The following C5orf22 variants were observed in gnomAD, a reference collection of about 807,000 sequenced individuals.
The protein encoded by C5orf22 is UPF0489 protein C5orf22.
Under a neutral mutation model 48.7 loss-of-function variants are expected in C5orf22, and 36 were observed. The observed-to-expected ratio is 0.74, with a 90% CI of 0.57 to 0.98. C5orf22 has a LOEUF of 0.98. Ranked by LOEUF, C5orf22 falls within the 50% of genes least tolerant of loss-of-function variation. The pLI is 0.00. For synonymous variants in C5orf22, 141 were observed against 180.8 expected, an observed-to-expected ratio of 0.78 and a Z score of 1.76; for missense variants, 486 against 521.9, an observed-to-expected ratio of 0.93 and a Z score of 0.67.
intron 6 of C5orf22, among the ~76,000 whole-genome samples, chr5:31,542,413 T>C (rs1270630922): frequency 2.8e-5 from 4 of 144,404 alleles, no homozygotes; most frequent in Non-Finnish European, 6.0e-5. Context: ...TGAGCCGAGA[T>C]TGCATCACTG....
Position 31,535,833 on chromosome 5 carries a change from A to G in C5orf22, c.317A>G (p.Gln106Arg). The G allele has an allele frequency of 6.2e-7, 1 of 1,613,790 alleles. No homozygotes were observed. Among genetic ancestry groups the G allele is most frequent in the Non-Finnish European group, 8.5e-7 (1 of 1,179,814 alleles). ...TGGTTTCATCCCACATGGGCTCAGC[A>G]GATCAGAGAGGGCAGACACCACTTT... is the stretch of plus-strand genomic sequence containing the variant. The part of the protein sequence containing the change: ...VIWFHPTWAQ[Q>R]IREGRHHFLV... The change falls in exon 3 of 9, where the codon CAG (glutamine) becomes CGG (arginine). Residue 106 changes from glutamine to arginine, a missense_variant. Gln to Arg is a conservative substitution (Grantham distance 43). Transcript: ENST00000325366.
At chr5:31,537,217 G>C (rs756736167) in intron 3 of C5orf22, among the ~76,000 whole-genome samples, 6 of 152,116 alleles carry the variant, frequency 3.9e-5, no homozygotes, top group Non-Finnish European at 8.8e-5. Context: ...GAAACTCCAC[G>C]TGTGATTAAC....
At chr5:31,534,491 A>T in intron 2 of C5orf22, 74 bp downstream of exon 2, 1 of 1,355,880 alleles carries the variant, frequency 7.4e-7, no homozygotes, top group East Asian at 2.3e-5. Context: ...AATTATAGGA[A>T]ATAGACTTTG....
At chr5:31,536,174 C>G (rs1742070269) in intron 3 of C5orf22, among the ~76,000 whole-genome samples, 2 of 152,168 alleles carry the variant, frequency 1.3e-5, no homozygotes, top group African/African-American at 4.8e-5. Flanking sequence ...ATTGAAGTAT[C>G]TTATAGATTT....
rs1396979244 is a variant in C5orf22, at chr5:31,539,889, A to AT, written c.808-1050dup. Among the ~76,000 whole-genome samples the AT allele has an allele frequency of 2.1e-3, 322 of 150,824 alleles. 1 individual carries two copies. Among genetic ancestry groups the AT allele is most frequent in the Non-Finnish European group, 3.1e-3 (212 of 67,588 alleles). ...AAGACCCCATCTCTATTAAAAAAAA[A>AT]TTTTTTTTTTAATTTAGCCAGGCAT... On this transcript the variant is annotated intron_variant, in intron 4 of 8. Coordinates refer to ENST00000325366, the MANE Select transcript of C5orf22 (RefSeq NM_018356.3).
intron 4 of C5orf22, among the ~76,000 whole-genome samples, chr5:31,539,868 C>T (rs1742343122): frequency 6.6e-6 from 1 of 151,938 alleles, no homozygotes; most frequent in Non-Finnish European, 1.5e-5. Context: ...CGTAGCAAGA[C>T]CCCATCTCTA....
At position 31,545,673 on chromosome 5, in the gene C5orf22, G is replaced by A; in HGVS notation, c.1020G>A (p.Gln340=). ...PGMESLVPLV[Q]SLKKRMEVPD... ...TGGAATCACTAGTTCCCCTTGTACAGAGTTTGAAAAAACGGATGGAAGTAC... is the reference window on the plus strand; with the variant it reads ...TGGAATCACTAGTTCCCCTTGTACAAAGTTTGAAAAAACGGATGGAAGTAC... The change falls in exon 7 of 9, where the codon CAG becomes CAA. Residue 340 remains glutamine, a synonymous_variant. Transcript: ENST00000325366. 8 of 1,610,894 alleles carry A rather than the reference G, an allele frequency of 5.0e-6. No homozygotes were observed. Among genetic ancestry groups the A allele is most frequent in the Middle Eastern group, 1.7e-4 (1 of 6,052 alleles).
Position 31,538,249 on chromosome 5 carries a change from C to T in C5orf22, c.378-11C>T. 5 of 1,547,650 alleles carry T rather than the reference C, an allele frequency of 3.2e-6. No individual in the cohort carries two copies. Among genetic ancestry groups the T allele is most frequent in the African/African-American group, 1.4e-5 (1 of 72,266 alleles). On this transcript the variant is annotated splice_polypyrimidine_tract_variant and intron_variant, in intron 3 of 8. Transcript: ENST00000325366. ...CATTCTTCTTAAAAATCGTTTTTTC[C>T]TCTGATTCAGGGTTACAAGTACAGA...
At chr5:31,540,663 A>G (rs1042937933) in intron 4 of C5orf22, among the ~76,000 whole-genome samples, 1 of 152,208 alleles carries the variant, frequency 6.6e-6, no homozygotes, top group Non-Finnish European at 1.5e-5. Flanking sequence ...GCCACCAAGT[A>G]TGCTTCCTTA....
chr5:31,541,169 A>G, intron 5 of C5orf22, 112 bp from the exon 6 acceptor site: 1 of 1,166,104 alleles, frequency 8.6e-7, no homozygotes, highest in South Asian at 1.4e-5. Context: ...GCCCATGGTT[A>G]GTACTTGAAA....
At chr5:31,545,521 T>C in intron 6 of C5orf22, 125 bp from the exon 7 acceptor site, 1 of 728,880 alleles carries the variant, frequency 1.4e-6, no homozygotes. Context: ...AGCTTTATCT[T>C]TTATTTCCCA....
Position 31,534,893 on chromosome 5 carries a change from CA to C in C5orf22, c.227+483del, listed in dbSNP as rs1741979034. The C allele has an allele frequency of 6.8e-5, 27 of 398,418 alleles. 1 individual carries two copies. Among genetic ancestry groups the C allele is most frequent in the South Asian group, 4.4e-4 (24 of 54,726 alleles). 24.7% of individuals were successfully genotyped at this position (398,418 alleles called of 1,614,324 possible). On this transcript the variant is annotated intron_variant, in intron 2 of 8. Transcript: ENST00000325366. ...ACCCCATCTCTTAAAAGAAACAAAC[CA>C]AAAAAACTTTGTTTACAAAAACAGC...
rs755005804 is a variant in C5orf22, at chr5:31,532,484, G to T, written c.81+11G>T. 1.9e-5 allele frequency: 30 copies of T among 1,609,978 alleles called. No homozygotes were observed. The highest frequency in any genetic ancestry group is 2.7e-5 in the African/African-American group (2 of 74,784). ...GAGGATCATCAGGAGGTGAGCGGAC[G>T]GCAACAGGGCTCTGGGGCAGAATCA... On this transcript the variant is annotated intron_variant, in intron 1 of 8. Transcript: ENST00000325366.
At chr5:31,535,980 A>G in intron 3 of C5orf22, 87 bp downstream of exon 3, 2 of 1,326,312 alleles carry the variant, frequency 1.5e-6, no homozygotes, top group Non-Finnish European at 2.1e-6. Flanking sequence ...AAGTCTCTGC[A>G]CACAAATAGG....
rs767936769 is a variant in C5orf22 at position 31,552,831 on chromosome 5, C to T, written c.1258C>T (p.Leu420Phe). Residue 420 changes from leucine (L) to phenylalanine (F), a missense_variant, in exon 9 of 9, where the codon CTC becomes TTC. This residue lies in a region of C5orf22 where 408 missense variants were observed against 444.0 expected (regional missense o/e 0.92). Coordinates refer to ENST00000325366, the MANE Select transcript of C5orf22 (RefSeq NM_018356.3). ...DQVDTIQEKV[L>F]NMLRALYGNL... is the part of the protein sequence containing the mutation. Reference sequence around the variant, plus strand: ...AGTTGACACTATTCAAGAAAAGGTCCTCAATATGCTACGTGCCCTCTATGG... The same window carrying T: ...AGTTGACACTATTCAAGAAAAGGTCTTCAATATGCTACGTGCCCTCTATGG... 8.7e-6 allele frequency: 14 copies of T among 1,613,530 alleles called. No individual in the cohort carries two copies. Among genetic ancestry groups the T allele is most frequent in the South Asian group, 2.2e-5 (2 of 91,060 alleles).
At chr5:31,541,900 C>T (rs920288805) in intron 6 of C5orf22, among the ~76,000 whole-genome samples, 1 of 152,144 alleles carries the variant, frequency 6.6e-6, no homozygotes, top group African/African-American at 2.4e-5. Context: ...CTCCTTACAA[C>T]AGTCTTATGG....
intron 4 of C5orf22, 109 bp from the exon 5 acceptor site, chr5:31,540,840 C>G (rs1178757934): frequency 9.2e-6 from 7 of 760,034 alleles, no homozygotes; most frequent in Admixed American, 6.5e-5. Flanking sequence ...AAATAATTAT[C>G]TAAGATGTTC....
chr5:31,548,796 A>T, intron 7 of C5orf22: 1 of 277,502 alleles, frequency 3.6e-6, no homozygotes, highest in Non-Finnish European at 7.0e-6. Context: ...CAAAAGAAAG[A>T]GATTTAATGG....
At position 31,552,929 on chromosome 5, in the gene C5orf22, G is replaced by A; in HGVS notation, c.*27G>A. Reference sequence around the variant, plus strand: ...ACAAACAAAACATTAGGCTCCTGTTGTATCTTGGTTTAGTAACAGGCCCTT... The same window carrying A: ...ACAAACAAAACATTAGGCTCCTGTTATATCTTGGTTTAGTAACAGGCCCTT... On this transcript the variant is annotated 3_prime_UTR_variant, in exon 9 of 9. Transcript: ENST00000325366. The A allele has an allele frequency of 1.9e-6, 3 of 1,609,174 alleles. No homozygotes were observed. Among genetic ancestry groups the A allele is most frequent in the Non-Finnish European group, 2.5e-6 (3 of 1,177,302 alleles).
Sources: allele counts gnomAD v4.1 joint callset (sites outside exome capture counted in the v4.1 genomes callset), GRCh38; gene constraint gnomAD v4.1.1; regional missense constraint gnomAD v4.1.1; transcripts MANE v1.5; gene names NCBI Gene and HGNC (gene_info 2026-07-23, HGNC 2026-07-21).